GPR180: variants seen among roughly 807,000 people sequenced by gnomAD.
The protein encoded by GPR180 is G protein-coupled receptor 180, also known as integral membrane protein GPR180.
GPR180 carries 53 observed loss-of-function variants against 52.6 expected under a neutral mutation model. The observed-to-expected ratio is 1.01, with a 90% CI of 0.81 to 1.27. The LOEUF (loss-of-function observed/expected upper bound fraction) is 1.27. Among genes scored for constraint, GPR180 ranks in the 50% most tolerant of loss-of-function variants. The probability of loss-of-function intolerance (pLI) is 0.00; values close to 1 mark genes in which losing one functional copy is unlikely to be tolerated. For synonymous variants in GPR180, 200 were observed against 193.1 expected, an observed-to-expected ratio of 1.04 and a Z score of -0.30; for missense variants, 533 against 527.0, an observed-to-expected ratio of 1.01 and a Z score of -0.11.
intron 7 of GPR180, among the ~76,000 whole-genome samples, chr13:94,624,981 T>C (rs1889907887): frequency 6.6e-6 from 1 of 151,856 alleles, no homozygotes; most frequent in Non-Finnish European, 1.5e-5. Flanking sequence ...ACCTGGCTAA[T>C]TTCTGCATTT....
chr13:94,626,773 A>G (rs904541581), intron 8 of GPR180, among the ~76,000 whole-genome samples: 2 of 152,110 alleles, frequency 1.3e-5, no homozygotes, highest in African/African-American at 4.8e-5. Context: ...TGGTTTAGCA[A>G]GTTATTCTTT....
At chr13:94,624,578 G>A (rs989279517) in intron 7 of GPR180, among the ~76,000 whole-genome samples, 3 of 152,220 alleles carry the variant, frequency 2.0e-5, no homozygotes, top group Admixed American at 1.3e-4. Context: ...TTGTTTTTGA[G>A]ACGGTGTCTC....
At position 94,626,002 on chromosome 13, in the gene GPR180, G is replaced by A. The variant is rs1418756304; in HGVS notation, c.1123G>A (p.Ala375Thr). Residue 375 changes from alanine to threonine, a missense_variant, in exon 8 of 9, where the codon GCA (alanine) becomes ACA (threonine). Ala to Thr is a moderately conservative substitution (Grantham distance 58, BLOSUM62 0). Coordinates refer to ENST00000376958, the MANE Select transcript of GPR180 (RefSeq NM_180989.6). ...ILWFLCHPVL[A>T]CISVIFSDYQ... ...GTGGTTTTTATGCCATCCAGTTCTT[G>A]CATGCATTTCTGTCATTTTTAGCGA... 1 of 1,611,596 alleles carries A rather than the reference G, an allele frequency of 6.2e-7. No homozygotes were observed. The highest frequency in any genetic ancestry group is 8.5e-7 in the Non-Finnish European group (1 of 1,178,520).
At chr13:94,620,994 A>G in intron 5 of GPR180, 84 bp from the exon 6 acceptor site, 2 of 1,311,360 alleles carry the variant, frequency 1.5e-6, no homozygotes, top group East Asian at 2.6e-5. Context: ...TCTTAAAAAA[A>G]AAAAAAGATG....
At chr13:94,612,547 CAT>C (rs1157806614) in intron 3 of GPR180, among the ~76,000 whole-genome samples, 157 bp downstream of exon 3, 1 of 152,110 alleles carries the variant, frequency 6.6e-6, no homozygotes, top group Admixed American at 6.5e-5. Context: ...TGATAGCCAT[CAT>C]ATTAATTTTT....
At chr13:94,619,560 G>A (rs548061652) in intron 5 of GPR180, 43 bp downstream of exon 5, 14 of 1,471,566 alleles carry the variant, frequency 9.5e-6, no homozygotes, top group African/African-American at 2.8e-5. Flanking sequence ...TTTTACACTC[G>A]CTATCTGCTT....
At chr13:94,611,889 GA>G (rs112244645) in intron 2 of GPR180, among the ~76,000 whole-genome samples, 52,241 of 134,866 alleles carry the variant, frequency 0.39, 10,623 homozygotes, top group African/African-American at 0.59. Flanking sequence ...AAACCAAAAA[GA>G]AAAAAAAAAA....
intron 2 of GPR180, among the ~76,000 whole-genome samples, chr13:94,611,007 T>G (rs1889696002): frequency 6.6e-6 from 1 of 152,204 alleles, no homozygotes; most frequent in South Asian, 2.1e-4. Flanking sequence ...CTCAAATAAC[T>G]TAGTGCTTAT....
In GPR180 at chr13:94,602,044, C is replaced by G; in HGVS notation, c.117C>G (p.Gly39=). ...FSSTAAQDAQ[G]QRIGHFEFHG... The stretch of plus-strand genomic sequence containing the variant: ...GCACCGCGGCCCAGGACGCCCAGGG[C>G]CAGCGCATCGGCCACTTCGAGTTCC... The change falls in exon 1 of 9, where the codon GGC becomes GGG. Residue 39 remains glycine, a synonymous_variant. Coordinates refer to ENST00000376958, the MANE Select transcript of GPR180 (RefSeq NM_180989.6). 1 of 1,441,994 alleles carries G rather than the reference C, an allele frequency of 6.9e-7. No individual in the cohort carries two copies. The highest frequency in any genetic ancestry group is 9.1e-7 in the Non-Finnish European group (1 of 1,096,310). The allele number at this position is 1,441,994 out of a possible 1,614,324, so 89.3% of individuals were successfully genotyped here.
At chr13:94,613,177 A>C (rs1359750154) in intron 3 of GPR180, among the ~76,000 whole-genome samples, 1 of 152,236 alleles carries the variant, frequency 6.6e-6, no homozygotes, top group East Asian at 1.9e-4. Flanking sequence ...TCATGAGTTC[A>C]TTGGCTGTTT....
Position 94,630,109 on chromosome 13 carries a change from C to T in GPR180, c.*2938C>T, listed in dbSNP as rs543654922. ...GAAGAGGTAATACTGTTTTTTATTCCAACATGTATTTGTGAATTGAGACTA... is the reference window on the plus strand; with the variant it reads ...GAAGAGGTAATACTGTTTTTTATTCTAACATGTATTTGTGAATTGAGACTA... On this transcript the variant is annotated 3_prime_UTR_variant, in exon 9 of 9. Transcript: ENST00000376958. 6.6e-6 allele frequency: 1 copy of T among 152,148 alleles called. No individual in the cohort carries two copies. The highest frequency in any genetic ancestry group is 1.5e-5 in the Non-Finnish European group (1 of 68,000). 9.4% of individuals were successfully genotyped at this position (152,148 alleles called of 1,614,324 possible).
rs969627966 is a variant in GPR180, at chr13:94,631,310, TCCCTTTCCAACTGCCAGACA to T, written c.*4141_*4160del. The T allele has an allele frequency of 1.3e-5, 2 of 152,108 alleles. No homozygotes were observed. Among genetic ancestry groups the T allele is most frequent in the African/African-American group, 4.8e-5 (2 of 41,386 alleles). The allele number at this position is 152,108 out of a possible 1,614,324, so 9.4% of individuals were successfully genotyped here. On this transcript the variant is annotated 3_prime_UTR_variant, in exon 9 of 9. Coordinates refer to ENST00000376958, the MANE Select transcript of GPR180 (RefSeq NM_180989.6). ...CTTGCTTCCCCCATTTCCCATGTCT[TCCCTTTCCAACTGCCAGACA>T]CAAAAGAAACCGCCTCCTATAATCC... is the stretch of plus-strand genomic sequence containing the variant.
intron 2 of GPR180, among the ~76,000 whole-genome samples, chr13:94,607,369 G>A (rs906513014): frequency 2.0e-5 from 3 of 150,584 alleles, no homozygotes; most frequent in East Asian, 1.9e-4. Context: ...TAACCTGACC[G>A]GGCCTCCTTA....
At chr13:94,609,672 T>C (rs1230007791) in intron 2 of GPR180, among the ~76,000 whole-genome samples, 2 of 152,220 alleles carry the variant, frequency 1.3e-5, no homozygotes, top group Admixed American at 6.5e-5. Context: ...ATTGATCATA[T>C]ATTAAATTCT....
intron 7 of GPR180, among the ~76,000 whole-genome samples, chr13:94,623,533 A>C (rs2138568757): frequency 6.6e-6 from 1 of 152,234 alleles, no homozygotes; most frequent in Middle Eastern, 3.4e-3. Context: ...AATTAAAATT[A>C]GCCACGCTTT....
chr13:94,621,978 A>G (rs939253894), intron 6 of GPR180, among the ~76,000 whole-genome samples: 2 of 152,224 alleles, frequency 1.3e-5, no homozygotes, highest in Admixed American at 1.3e-4. Flanking sequence ...AGAGGACATT[A>G]TAATGTAAGT....
chr13:94,623,895 T>TA (rs1192805425), intron 7 of GPR180, among the ~76,000 whole-genome samples: 3 of 152,198 alleles, frequency 2.0e-5, no homozygotes, highest in Admixed American at 6.5e-5. Flanking sequence ...TTTTCTGTAA[T>TA]ACCAGAATTT....
At chr13:94,621,300 A>AT (rs1889848995) in intron 6 of GPR180, 65 bp downstream of exon 6, 1 of 1,276,708 alleles carries the variant, frequency 7.8e-7, no homozygotes. Flanking sequence ...AGCATACCTC[A>AT]TTTCAGAATT....
At chr13:94,617,012 TGTTC>T (rs1277470884) in intron 3 of GPR180, among the ~76,000 whole-genome samples, 2 of 152,228 alleles carry the variant, frequency 1.3e-5, no homozygotes, top group African/African-American at 4.8e-5. Flanking sequence ...ATAATTTTTG[TGTTC>T]GTTATAATGT....
Sources: gnomAD v4.1 joint callset for allele counts (sites outside exome capture counted in the v4.1 genomes callset) on GRCh38, gnomAD v4.1.1 for gene constraint, MANE v1.5 for transcripts, NCBI Gene and HGNC (gene_info 2026-07-23, HGNC 2026-07-21) for gene names.